XPO4: variants seen among roughly 807,000 people sequenced by gnomAD.
XPO4 encodes the protein exportin 4.
In XPO4, 39 loss-of-function variants were observed where a neutral mutation model predicts 143.0. The ratio of observed to expected loss-of-function variants is 0.27; its 90% confidence interval spans 0.21 to 0.36. XPO4 has a LOEUF of 0.36. XPO4 is among the 10% of genes least tolerant of loss of function. XPO4 has a pLI of 1.00. For synonymous variants in XPO4, 439 were observed against 474.0 expected, an observed-to-expected ratio of 0.93 and a Z score of 0.96; for missense variants, 907 against 1,348.0, an observed-to-expected ratio of 0.67 and a Z score of 5.12.
intron 1 of XPO4, among the ~76,000 whole-genome samples, chr13:20,869,912 C>G (rs1327746546): frequency 6.6e-6 from 1 of 151,970 alleles, no homozygotes; most frequent in Non-Finnish European, 1.5e-5. Flanking sequence ...TGAGACCAGC[C>G]AGGCAACATG....
At chr13:20,791,149 A>G (rs2059275051) in intron 18 of XPO4, among the ~76,000 whole-genome samples, 1 of 151,940 alleles carries the variant, frequency 6.6e-6, no homozygotes, top group Non-Finnish European at 1.5e-5. Context: ...ACTAAGACCT[A>G]AACAGATAAA....
intron 14 of XPO4, 146 bp from the exon 15 acceptor site, chr13:20,800,471 G>C: frequency 1.3e-6 from 1 of 754,328 alleles, no homozygotes; most frequent in South Asian, 2.2e-5. Flanking sequence ...CATTTCCACT[G>C]GTCAAAAAAA....
chr13:20,891,654 G>A (rs2060517946), intron 1 of XPO4, among the ~76,000 whole-genome samples: 1 of 152,034 alleles, frequency 6.6e-6, no homozygotes, highest in Non-Finnish European at 1.5e-5. Context: ...CCTGAGCTCA[G>A]GAGTTCAAGA....
Position 20,781,978 on chromosome 13 carries a change from T to C in XPO4, c.*1744A>G, listed in dbSNP as rs1426336341. 2.0e-5 allele frequency: 3 copies of C among 152,246 alleles called. No homozygotes were observed. Among genetic ancestry groups the C allele is most frequent in the African/African-American group, 7.2e-5 (3 of 41,466 alleles). The allele number at this position is 152,246 out of a possible 1,614,324, so 9.4% of individuals were successfully genotyped here. Reference sequence around the variant, plus strand: ...TCTGGATGACTGATATTAATTTCCTTCCTAGCAGTCTTTTCAAGATGTTTT... The same window carrying C: ...TCTGGATGACTGATATTAATTTCCTCCCTAGCAGTCTTTTCAAGATGTTTT... On this transcript the variant is annotated 3_prime_UTR_variant, in exon 23 of 23. Transcript: ENST00000255305.
intron 4 of XPO4, chr13:20,849,587 C>A: frequency 1.0e-6 from 1 of 985,328 alleles, no homozygotes; most frequent in East Asian, 1.1e-4. Flanking sequence ...GAAATAACCA[C>A]GTAACCTTTA....
rs1566625361 is a variant in XPO4 at position 20,883,287 on chromosome 13, T to TAAAGAAAAGAAAGGAA, written c.70-14587_70-14586insTTCCTTTCTTTTCTTT. Among the ~76,000 whole-genome samples, 7 of 152,296 alleles carry TAAAGAAAAGAAAGGAA rather than the reference T, an allele frequency of 4.6e-5. No homozygotes were observed. In the East Asian group the frequency reaches 1.2e-3, roughly 25 times the overall value. On this transcript the variant is annotated intron_variant, in intron 1 of 22. Transcript: ENST00000255305. ...GGTGAGGAGAAAGAAAGGAAAGATG[T>TAAAGAAAAGAAAGGAA]AGACTCAAAGCTAAAGAAAAGAAGC...
At chr13:20,784,473 C>CA (rs1235664706) in intron 22 of XPO4, among the ~76,000 whole-genome samples, 2 of 152,154 alleles carry the variant, frequency 1.3e-5, no homozygotes, top group Non-Finnish European at 2.9e-5. Context: ...CTGAAAGCTC[C>CA]AAACCAGCAC....
At chr13:20,788,836 A>T (rs1162751155) in intron 19 of XPO4, among the ~76,000 whole-genome samples, 1 of 152,254 alleles carries the variant, frequency 6.6e-6, no homozygotes, top group East Asian at 1.9e-4. Context: ...CAGACAGTCA[A>T]AACAATTATC....
At chr13:20,848,410 G>A (rs530363596) in intron 4 of XPO4, 192 of 985,144 alleles carry the variant, frequency 1.9e-4, no homozygotes, top group Non-Finnish European at 2.2e-4. Context: ...TCTACAGTAA[G>A]GGCTACCACC....
intron 1 of XPO4, among the ~76,000 whole-genome samples, chr13:20,873,888 C>T (rs1373789559): frequency 2.0e-5 from 3 of 152,208 alleles, no homozygotes; most frequent in Non-Finnish European, 2.9e-5. Flanking sequence ...ACAACATCTA[C>T]TACTTATTTG....
In XPO4 at chr13:20,796,033, G is replaced by A. The variant is rs757422893; in HGVS notation, c.2797+43C>T. 4 of 1,528,426 alleles carry A rather than the reference G, an allele frequency of 2.6e-6. No homozygotes were observed. The South Asian group carries it at 5.0e-5, about 19-fold the overall frequency. The allele number at this position is 1,528,426 out of a possible 1,614,324, so 94.7% of individuals were successfully genotyped here. The stretch of plus-strand genomic sequence containing the variant: ...AACAATCCTTTGATTTAATAAAAAG[G>A]AGGATAACAACAAAGTTTAAAAACC... On this transcript the variant is annotated intron_variant, in intron 18 of 22. Coordinates refer to ENST00000255305, the MANE Select transcript of XPO4 (RefSeq NM_022459.5).
chr13:20,813,531 G>A (rs2059609688), intron 9 of XPO4, among the ~76,000 whole-genome samples: 1 of 152,146 alleles, frequency 6.6e-6, no homozygotes, highest in Non-Finnish European at 1.5e-5. Context: ...GTGAGAACAT[G>A]GATCATTGAG....
intron 3 of XPO4, among the ~76,000 whole-genome samples, chr13:20,861,758 G>C (rs2060200878): frequency 7.0e-6 from 1 of 142,326 alleles, no homozygotes; most frequent in Admixed American, 7.0e-5. Flanking sequence ...CTTCTTAATA[G>C]AACCTTGCAC....
At chr13:20,866,407 C>T in intron 2 of XPO4, 1 of 980,168 alleles carries the variant, frequency 1.0e-6, no homozygotes, top group South Asian at 4.7e-5. Context: ...AGAAAGTCTC[C>T]CCTTTAGTAG....
intron 1 of XPO4, among the ~76,000 whole-genome samples, chr13:20,879,584 C>T (rs1359655845): frequency 6.6e-6 from 1 of 152,136 alleles, no homozygotes; most frequent in African/African-American, 2.4e-5. Flanking sequence ...TTTCACTAAA[C>T]ACACGAGGAA....
chr13:20,796,822 T>A lies in XPO4; in HGVS notation c.2558A>T (p.Asn853Ile). 6.2e-7 allele frequency: 1 copy of A among 1,614,084 alleles called. No individual in the cohort carries two copies. The highest frequency in any genetic ancestry group is 8.5e-7 in the Non-Finnish European group (1 of 1,179,982). Residue 853 changes from asparagine to isoleucine, a missense_variant, in exon 17 of 23, where the codon AAT (asparagine) becomes ATT (isoleucine). Coordinates refer to ENST00000255305, the MANE Select transcript of XPO4 (RefSeq NM_022459.5). ...TTCAACAAAAACTTCTATAATGAGA[T>A]TGACAGTCTCTGGGGTATTCTTGTA... Reference protein sequence around the residue: ...EVYKNTPETVNLIIEVFVEVA... With the variant: ...EVYKNTPETVILIIEVFVEVA...
intron 3 of XPO4, chr13:20,856,530 A>G (rs1222706174): frequency 4.3e-6 from 1 of 233,898 alleles, no homozygotes; most frequent in East Asian, 1.8e-4. Flanking sequence ...TCCCACAAAG[A>G]TACAACCACC....
At chr13:20,841,321 T>C (rs1180095567) in intron 6 of XPO4, among the ~76,000 whole-genome samples, 2 of 152,010 alleles carry the variant, frequency 1.3e-5, no homozygotes, top group Non-Finnish European at 2.9e-5. Context: ...TCTATCACCA[T>C]TGGCTCCCCT....
chr13:20,799,254 T>C lies in XPO4; in HGVS notation c.2233A>G (p.Ser745Gly). Residue 745 changes from serine (S) to glycine (G), a missense_variant, in exon 16 of 23, where the codon AGT becomes GGT. Coordinates refer to ENST00000255305, the MANE Select transcript of XPO4 (RefSeq NM_022459.5). ...SRSPPLNFLSSPVQRTLMKAL... is the reference protein window; with the variant it reads ...SRSPPLNFLSGPVQRTLMKAL... ...TTCATCAATGTCCTCTGCACAGGACTTGACAAGAAATTAAGAGGTGGGCTT... is the reference window on the plus strand; with the variant it reads ...TTCATCAATGTCCTCTGCACAGGACCTGACAAGAAATTAAGAGGTGGGCTT... 1 of 1,614,098 alleles carries C rather than the reference T, an allele frequency of 6.2e-7. No individual in the cohort carries two copies. The highest frequency in any genetic ancestry group is 8.5e-7 in the Non-Finnish European group (1 of 1,179,972).
Sources: allele counts gnomAD v4.1 joint callset (sites outside exome capture counted in the v4.1 genomes callset), GRCh38; gene constraint gnomAD v4.1.1; transcripts MANE v1.5; gene names NCBI Gene and HGNC (gene_info 2026-07-23, HGNC 2026-07-21).